Variants in MID1 observed in about 807,000 individuals in gnomAD.
MID1 encodes E3 ubiquitin-protein ligase Midline-1.
MID1 carries 7 observed loss-of-function variants against 40.4 expected under a neutral mutation model. That is an observed-to-expected ratio of 0.17 (90% CI 0.10 to 0.33). The LOEUF is 0.33. Ranked by LOEUF, MID1 falls within the 10% of genes least tolerant of loss-of-function variation. The pLI, the probability that MID1 is intolerant of heterozygous loss-of-function variation, is 1.00. For missense variants in MID1, 367 were observed against 558.5 expected (o/e 0.66, Z 3.46); for synonymous variants, 229 against 221.2 (o/e 1.04, Z -0.31).
At chrX:10,727,161 C>G (rs779064742) in intron 1 of MID1, among the ~76,000 whole-genome samples, 34 of 112,332 alleles carry the variant, frequency 3.0e-4, no homozygotes, top group African/African-American at 1.1e-3. Flanking sequence ...GTTGCCCAGG[C>G]TGGAGTGCAA....
At chrX:10,449,767 C>A in intron 9 of MID1, 51 bp from the exon 10 acceptor site, 2 of 898,858 alleles carry the variant, frequency 2.2e-6, no homozygotes, top group Non-Finnish European at 3.2e-6. Context: ...GTTGCACATG[C>A]ACGTTAAATC....
chrX:10,574,161 C>G (rs1162999309), intron 1 of MID1, among the ~76,000 whole-genome samples: 1 of 111,852 alleles, frequency 8.9e-6, no homozygotes, highest in Non-Finnish European at 1.9e-5. Context: ...ATGGGGAGAG[C>G]AGCATGGATC....
intron 1 of MID1, among the ~76,000 whole-genome samples, chrX:10,817,548 CTTTCT>C (rs1227278035): frequency 1.0e-5 from 1 of 98,510 alleles, no homozygotes; most frequent in Non-Finnish European, 2.0e-5. Flanking sequence ...TTCTTTCTTT[CTTTCT>C]TTCTTTCTTT....
chrX:10,590,726 A>G (rs1470877972), intron 1 of MID1, among the ~76,000 whole-genome samples: 2 of 112,438 alleles, frequency 1.8e-5, no homozygotes, highest in Admixed American at 9.4e-5. Context: ...TTGTATTATC[A>G]AAGTATGCTT....
chrX:10,693,865 G>C (rs1396006702), intron 1 of MID1, among the ~76,000 whole-genome samples: 3 of 112,022 alleles, frequency 2.7e-5, no homozygotes, highest in African/African-American at 3.2e-5. Context: ...CACTAAACTT[G>C]CGAGGACAGT....
chrX:10,449,221 T>A lies in MID1; in HGVS notation c.*147A>T. 2.2e-6 allele frequency: 1 copy of A among 459,188 alleles called. No individual in the cohort carries two copies. Among genetic ancestry groups the A allele is most frequent in the Non-Finnish European group, 3.8e-6 (1 of 263,131 alleles). The allele number at this position is 459,188 out of a possible 1,213,427, so 37.8% of individuals were successfully genotyped here. On this transcript the variant is annotated 3_prime_UTR_variant, in exon 10 of 10. Coordinates refer to ENST00000317552, the MANE Select transcript of MID1 (RefSeq NM_000381.4). ...ACAAGACACAGTAAAAGGAGAGGAATCTCTTGTTTTGAGCCCTATCTGAGC... is the reference window on the plus strand; with the variant it reads ...ACAAGACACAGTAAAAGGAGAGGAAACTCTTGTTTTGAGCCCTATCTGAGC...
At chrX:10,508,437 A>T (rs7058063) in intron 3 of MID1, among the ~76,000 whole-genome samples, 6,877 of 112,449 alleles carry the variant, frequency 0.061, 432 homozygotes, top group African/African-American at 0.18. Flanking sequence ...TTACCTGATT[A>T]TTTTTACTTA....
intron 1 of MID1, among the ~76,000 whole-genome samples, chrX:10,584,076 C>T (rs1014833660): frequency 9.1e-6 from 1 of 110,028 alleles, no homozygotes; most frequent in Non-Finnish European, 1.9e-5. Flanking sequence ...GGCCTGGTAT[C>T]TCTGTTTCCA....
intron 1 of MID1, among the ~76,000 whole-genome samples, chrX:10,719,699 T>G (rs1308821287): frequency 9.0e-6 from 1 of 111,249 alleles, no homozygotes; most frequent in Non-Finnish European, 1.9e-5. Flanking sequence ...AAAAATTACT[T>G]TAAAGTTCAT....
At chrX:10,561,484 A>C (rs1162502129) in intron 2 of MID1, among the ~76,000 whole-genome samples, 1 of 107,300 alleles carries the variant, frequency 9.3e-6, no homozygotes, top group Non-Finnish European at 1.9e-5. Flanking sequence ...CAAAGGGCTA[A>C]TATCCAGAAT....
chrX:10,585,565 C>T (rs1286486305), intron 1 of MID1, among the ~76,000 whole-genome samples: 4 of 111,685 alleles, frequency 3.6e-5, no homozygotes, highest in South Asian at 3.8e-4. Context: ...CCTCAAACCA[C>T]GACATTTACT....
chrX:10,679,274 T>G (rs2043042748), intron 1 of MID1, among the ~76,000 whole-genome samples: 1 of 111,926 alleles, frequency 8.9e-6, no homozygotes, highest in Admixed American at 9.5e-5. Flanking sequence ...AGAGGTGCAG[T>G]GGGAGGATGA....
intron 1 of MID1, among the ~76,000 whole-genome samples, chrX:10,784,862 C>T (rs2043870829): frequency 9.0e-6 from 1 of 111,150 alleles, no homozygotes; most frequent in South Asian, 3.8e-4. Flanking sequence ...AACCCACAGC[C>T]AATATCATAC....
intron 7 of MID1, chrX:10,469,361 G>T (rs1362918475): frequency 1.1e-6 from 1 of 947,321 alleles, no homozygotes; most frequent in African/African-American, 2.0e-5. Flanking sequence ...TTTAAGTTAT[G>T]AACCTATATG....
At chrX:10,623,515 C>T (rs1313359139), upstream of MID1, among the ~76,000 whole-genome samples, 1 of 111,341 alleles carries the variant, frequency 9.0e-6, no homozygotes, top group Non-Finnish European at 1.9e-5. Flanking sequence ...TAGTTATGTG[C>T]GGGTTTGGTT....
chrX:10,684,815 T>C (rs953373692), intron 1 of MID1, among the ~76,000 whole-genome samples: 1 of 111,911 alleles, frequency 8.9e-6, no homozygotes, highest in Admixed American at 9.5e-5. Context: ...TTTAGTAAAT[T>C]TGACAAGTTA....
intron 5 of MID1, among the ~76,000 whole-genome samples, chrX:10,477,291 T>A (rs1208761722): frequency 1.3e-4 from 15 of 112,305 alleles, no homozygotes; most frequent in Non-Finnish European, 2.4e-4. Flanking sequence ...GGTTCCATGG[T>A]CTACAAACAA....
At chrX:10,751,708 C>G (rs1207549614) in intron 1 of MID1, among the ~76,000 whole-genome samples, 1 of 111,880 alleles carries the variant, frequency 8.9e-6, no homozygotes, top group African/African-American at 3.3e-5. Flanking sequence ...TTTCAAGCCC[C>G]ATTTTTGGTC....
chrX:10,786,693 C>T (rs1029478065), intron 1 of MID1, among the ~76,000 whole-genome samples: 3 of 108,973 alleles, frequency 2.8e-5, no homozygotes, highest in Non-Finnish European at 3.8e-5. Context: ...TGGAAACCAT[C>T]ATTCTGAGCA....
Sources: gnomAD v4.1 joint callset for allele counts (sites outside exome capture counted in the v4.1 genomes callset) on GRCh38, gnomAD v4.1.1 for gene constraint, MANE v1.5 for transcripts, NCBI Gene and HGNC (gene_info 2026-07-23, HGNC 2026-07-21) for gene names.